TMEM123: variants seen among roughly 807,000 people sequenced by gnomAD.
TMEM123 encodes porimin.
A neutral mutation model predicts 19.7 loss-of-function variants in TMEM123; 16 were observed. The observed-to-expected ratio is 0.81, with a 90% CI of 0.55 to 1.23. TMEM123 has a LOEUF of 1.23. Ranked by LOEUF, TMEM123 falls within the 50% of genes most tolerant of loss-of-function variation. The probability of loss-of-function intolerance (pLI) is 0.00; values close to 1 mark genes in which losing one functional copy is unlikely to be tolerated. For missense variants in TMEM123, 313 were observed against 257.8 expected (o/e 1.21, Z -1.47); for synonymous variants, 118 against 99.4 (o/e 1.19, Z -1.12).
chr11:102,425,569 T>C (rs932711491), intron 2 of TMEM123, among the ~76,000 whole-genome samples: 2 of 151,256 alleles, frequency 1.3e-5, no homozygotes, highest in Non-Finnish European at 3.0e-5. Context: ...ATTGTTTTTT[T>C]TTTTTTCTTT....
chr11:102,434,201 T>G (rs1857739450), intron 2 of TMEM123, among the ~76,000 whole-genome samples: 2 of 152,028 alleles, frequency 1.3e-5, no homozygotes, highest in South Asian at 4.1e-4. Context: ...TAATTTACAT[T>G]CTCACCAACA....
At chr11:102,403,436 CTTCT>C (rs1951929837) in intron 2 of TMEM123, among the ~76,000 whole-genome samples, 1 of 152,232 alleles carries the variant, frequency 6.6e-6, no homozygotes. Flanking sequence ...CATACTGCAT[CTTCT>C]TTTTAACACG....
chr11:102,425,076 C>G (rs1028622246), intron 2 of TMEM123, among the ~76,000 whole-genome samples: 2 of 152,200 alleles, frequency 1.3e-5, no homozygotes, highest in Admixed American at 1.3e-4. Context: ...GCATATGTGT[C>G]TAATATCTGT....
chr11:102,408,252 G>T (rs997644401), intron 2 of TMEM123, among the ~76,000 whole-genome samples: 4 of 152,202 alleles, frequency 2.6e-5, no homozygotes, highest in East Asian at 3.8e-4. Context: ...AGACGACAAA[G>T]AATGCACACG....
intron 2 of TMEM123, among the ~76,000 whole-genome samples, chr11:102,422,274 G>C (rs988648197): frequency 1.3e-5 from 2 of 152,168 alleles, no homozygotes; most frequent in African/African-American, 4.8e-5. Flanking sequence ...AGGAGTTTGA[G>C]ATCAGCCTGG....
chr11:102,407,955 C>T (rs543221706), intron 2 of TMEM123, among the ~76,000 whole-genome samples: 2 of 152,280 alleles, frequency 1.3e-5, no homozygotes, highest in South Asian at 2.1e-4. Flanking sequence ...CTCTGTGCAA[C>T]GGTACAACTG....
intron 2 of TMEM123, among the ~76,000 whole-genome samples, chr11:102,440,912 G>A (rs1419572783): frequency 6.6e-6 from 1 of 152,108 alleles, no homozygotes; most frequent in African/African-American, 2.4e-5. Flanking sequence ...TGATAAAACA[G>A]ACTTTAAAAC....
At chr11:102,440,759 A>G (rs1857817065) in intron 2 of TMEM123, among the ~76,000 whole-genome samples, 1 of 152,238 alleles carries the variant, frequency 6.6e-6, no homozygotes, top group Admixed American at 6.5e-5. Context: ...GGCAAATTGG[A>G]TAAAGAGTCA....
At chr11:102,437,046 C>T (rs1398514087) in intron 2 of TMEM123, among the ~76,000 whole-genome samples, 2 of 152,024 alleles carry the variant, frequency 1.3e-5, no homozygotes, top group African/African-American at 4.8e-5. Context: ...GGAAAAAAAC[C>T]AAATATTTTA....
At chr11:102,421,816 C>G (rs1952089260) in intron 2 of TMEM123, among the ~76,000 whole-genome samples, 1 of 152,100 alleles carries the variant, frequency 6.6e-6, no homozygotes, top group Non-Finnish European at 1.5e-5. Flanking sequence ...ATGCTAGATG[C>G]TTTTCATATT....
intron 1 of TMEM123, among the ~76,000 whole-genome samples, chr11:102,450,103 G>A (rs534522859): frequency 6.6e-6 from 1 of 152,142 alleles, no homozygotes; most frequent in South Asian, 2.1e-4. Context: ...CAAGTGATTA[G>A]TCCCAACCCC....
intron 2 of TMEM123, among the ~76,000 whole-genome samples, chr11:102,431,938 T>C (rs1857715042): frequency 6.6e-6 from 1 of 152,222 alleles, no homozygotes; most frequent in Non-Finnish European, 1.5e-5. Flanking sequence ...CCTGCCACCC[T>C]GTGAAGAGGC....
chr11:102,427,786 C>T (rs955016255), intron 2 of TMEM123, among the ~76,000 whole-genome samples: 51 of 150,096 alleles, frequency 3.4e-4, no homozygotes, highest in African/African-American at 1.1e-3. Context: ...TGCAGTGAGC[C>T]GAGATCGCGC....
At chr11:102,426,594 C>G (rs1272685535) in intron 2 of TMEM123, among the ~76,000 whole-genome samples, 1 of 151,992 alleles carries the variant, frequency 6.6e-6, no homozygotes. Flanking sequence ...AAACAAAAAG[C>G]TTAAAACCCT....
chr11:102,399,824 G>C (rs1368178047), intron 4 of TMEM123, among the ~76,000 whole-genome samples: 1 of 152,096 alleles, frequency 6.6e-6, no homozygotes, highest in Non-Finnish European at 1.5e-5. Flanking sequence ...ACAAAAATTA[G>C]CTGGGCGTGG....
intron 2 of TMEM123, among the ~76,000 whole-genome samples, chr11:102,429,126 CAGG>C (rs1034600810): frequency 6.6e-6 from 1 of 152,054 alleles, no homozygotes. Context: ...GCAGCCTCCT[CAGG>C]AGATTTGTTA....
intron 2 of TMEM123, among the ~76,000 whole-genome samples, chr11:102,442,993 T>C (rs1199385660): frequency 1.3e-5 from 2 of 152,170 alleles, no homozygotes; most frequent in African/African-American, 4.8e-5. Flanking sequence ...TTACAAGGCA[T>C]GTGAAGGAAC....
intron 2 of TMEM123, among the ~76,000 whole-genome samples, chr11:102,404,857 C>T (rs556416537): frequency 7.2e-5 from 11 of 152,162 alleles, no homozygotes; most frequent in African/African-American, 2.6e-4. Context: ...GCCTTGGCCT[C>T]CCAAAGTGCT....
At chr11:102,410,653 C>G (rs1335788572) in intron 2 of TMEM123, among the ~76,000 whole-genome samples, 1 of 152,116 alleles carries the variant, frequency 6.6e-6, no homozygotes, top group Non-Finnish European at 1.5e-5. Flanking sequence ...TCTGCTATTC[C>G]TCCTTATCAC....
Sources: allele counts gnomAD v4.1 joint callset (sites outside exome capture counted in the v4.1 genomes callset), GRCh38; gene constraint gnomAD v4.1.1; transcripts MANE v1.5; gene names NCBI Gene and HGNC (gene_info 2026-07-23, HGNC 2026-07-21).